ATP9A: variants seen among roughly 807,000 people sequenced by gnomAD.
ATP9A encodes the protein ATPase phospholipid transporting 9A, also known as probable phospholipid-transporting ATPase IIA.
ATP9A carries 52 observed loss-of-function variants against 144.1 expected under a neutral mutation model. The ratio of observed to expected loss-of-function variants is 0.36; its 90% CI spans 0.29 to 0.45. The LOEUF is 0.45. Among genes scored for constraint, ATP9A ranks in the 20% least tolerant of loss-of-function variants. ATP9A has a pLI of 1.00. For synonymous variants in ATP9A, 582 were observed against 557.4 expected (o/e 1.04, Z -0.62); for missense variants, 947 against 1,392.7 (o/e 0.68, Z 5.09).
At chr20:51,632,029 C>T (rs1601068992) in intron 15 of ATP9A, among the ~76,000 whole-genome samples, 2 of 152,250 alleles carry the variant, frequency 1.3e-5, no homozygotes, top group African/African-American at 4.8e-5. Context: ...AGTCACTAAA[C>T]CAAGTCAAGA....
At chr20:51,736,414 G>A (rs2077762755) in intron 1 of ATP9A, among the ~76,000 whole-genome samples, 1 of 152,156 alleles carries the variant, frequency 6.6e-6, no homozygotes, top group Non-Finnish European at 1.5e-5. Context: ...ACACTGCAGT[G>A]AGCAAGAGCT....
intron 2 of ATP9A, among the ~76,000 whole-genome samples, chr20:51,726,889 CTTTTTTTTTTTT>C (rs55719132): frequency 4.3e-4 from 40 of 93,988 alleles, no homozygotes; most frequent in Admixed American, 5.5e-4. Flanking sequence ...TGTGTTATTT[CTTTTTTTTTTTT>C]TTTTTTTTTT....
intron 4 of ATP9A, among the ~76,000 whole-genome samples, chr20:51,703,300 C>T (rs1032786352): frequency 4.6e-5 from 7 of 152,118 alleles, no homozygotes; most frequent in Admixed American, 3.9e-4. Flanking sequence ...TCCTAAGAAC[C>T]GAGGCCACAG....
chr20:51,627,821 G>C lies in ATP9A; in HGVS notation c.1762-138C>G, dbSNP rs149904893. Reference sequence around the variant, plus strand: ...AAATCAGAAAGTTGCTTTCCCCTACGGCAATCCTCCCTGGAGCAAGCTTTC... The same window carrying C: ...AAATCAGAAAGTTGCTTTCCCCTACCGCAATCCTCCCTGGAGCAAGCTTTC... On this transcript the variant is annotated intron_variant, in intron 16 of 27. Coordinates refer to ENST00000338821, the MANE Select transcript of ATP9A (RefSeq NM_006045.3). 4.4e-5 allele frequency: 32 copies of C among 729,684 alleles called. No individual in the cohort carries two copies. In the African/African-American group the frequency reaches 5.2e-4, roughly 12 times the overall value. The allele number at this position is 729,684 out of a possible 1,614,324, so 45.2% of individuals were successfully genotyped here.
chr20:51,646,533 C>G (rs1340553204), intron 14 of ATP9A, among the ~76,000 whole-genome samples: 1 of 152,140 alleles, frequency 6.6e-6, no homozygotes, highest in Admixed American at 6.5e-5. Flanking sequence ...ATGCACCAGG[C>G]AGTGGTTGCA....
At chr20:51,655,219 A>G (rs1375560210) in intron 14 of ATP9A, among the ~76,000 whole-genome samples, 1 of 152,224 alleles carries the variant, frequency 6.6e-6, no homozygotes, top group Non-Finnish European at 1.5e-5. Context: ...AACAGAAATG[A>G]TAAAATAGTA....
chr20:51,713,700 T>A (rs1459794759), intron 3 of ATP9A, among the ~76,000 whole-genome samples: 1 of 152,190 alleles, frequency 6.6e-6, no homozygotes, highest in Non-Finnish European at 1.5e-5. Flanking sequence ...ATAAGATACA[T>A]CCATTGCATT....
At chr20:51,622,951 G>A (rs1055137893) in intron 18 of ATP9A, among the ~76,000 whole-genome samples, 4 of 152,156 alleles carry the variant, frequency 2.6e-5, no homozygotes, top group African/African-American at 4.8e-5. Context: ...TGTCCACTAC[G>A]TGCCCAGCAC....
rs2077243707 is a variant in ATP9A at position 51,625,315 on chromosome 20, T to C, written c.1893A>G (p.Lys631=). The change falls in exon 18 of 28, where the codon AAA becomes AAG. Residue 631 remains lysine, a synonymous_variant. Transcript: ENST00000338821. ...CCAGGCTCTCGATCACCGTGGCCAC[T>C]TTGAGGGAGCGGTCGTGCACACTCA... ...AKLSVHDRSL[K]VATVIESLEM... is the part of the protein sequence containing the mutation. 1.9e-6 allele frequency: 3 copies of C among 1,614,032 alleles called. No homozygotes were observed. The highest frequency in any genetic ancestry group is 2.5e-6 in the Non-Finnish European group (3 of 1,180,010).
intron 14 of ATP9A, among the ~76,000 whole-genome samples, chr20:51,653,050 C>A (rs1245632288): frequency 6.7e-6 from 1 of 149,460 alleles, no homozygotes; most frequent in African/African-American, 2.5e-5. Flanking sequence ...GCAGAGCTTG[C>A]AGTGAGCCGA....
intron 15 of ATP9A, among the ~76,000 whole-genome samples, chr20:51,636,619 A>C (rs1185550824): frequency 6.6e-6 from 1 of 152,126 alleles, no homozygotes; most frequent in East Asian, 1.9e-4. Context: ...AGCCCCACTA[A>C]TTCCAGCTGT....
At chr20:51,696,207 G>C in intron 5 of ATP9A, 63 bp from the exon 6 acceptor site, 7 of 1,524,978 alleles carry the variant, frequency 4.6e-6, no homozygotes, top group Non-Finnish European at 6.3e-6. Flanking sequence ...CGGTGGGGAG[G>C]GGGGCTTCCG....
intron 15 of ATP9A, among the ~76,000 whole-genome samples, chr20:51,636,384 G>C (rs966329411): frequency 6.6e-5 from 10 of 152,142 alleles, no homozygotes; most frequent in African/African-American, 2.4e-4. Flanking sequence ...GTTGACCATG[G>C]GTAACTGAAC....
intron 1 of ATP9A, among the ~76,000 whole-genome samples, chr20:51,767,547 GA>G (rs2077910602): frequency 6.6e-6 from 1 of 152,190 alleles, no homozygotes; most frequent in Non-Finnish European, 1.5e-5. Context: ...CCCAAATGCA[GA>G]AAAACCCTTG....
At chr20:51,635,344 C>G (rs2077286330) in intron 15 of ATP9A, among the ~76,000 whole-genome samples, 1 of 152,148 alleles carries the variant, frequency 6.6e-6, no homozygotes, top group South Asian at 2.1e-4. Context: ...AATCTTAGAC[C>G]CCTTGAGCCC....
At chr20:51,604,447 G>A (rs2077155347) in intron 27 of ATP9A, among the ~76,000 whole-genome samples, 1 of 152,164 alleles carries the variant, frequency 6.6e-6, no homozygotes, top group Non-Finnish European at 1.5e-5. Context: ...TCCCAGCACT[G>A]CCACTTTGCT....
intron 1 of ATP9A, among the ~76,000 whole-genome samples, chr20:51,758,970 C>T (rs1037275876): frequency 6.6e-6 from 1 of 152,180 alleles, no homozygotes; most frequent in African/African-American, 2.4e-5. Flanking sequence ...CCGGCAGGCA[C>T]GGCACCCATG....
rs961848206 is a variant in ATP9A, at chr20:51,599,361, T to C, written c.*1850A>G. 1 of 152,178 alleles carries C rather than the reference T, an allele frequency of 6.6e-6. No homozygotes were observed. Among genetic ancestry groups the C allele is most frequent in the African/African-American group, 2.4e-5 (1 of 41,440 alleles). 9.4% of individuals were successfully genotyped at this position (152,178 alleles called of 1,614,324 possible). ...CTTAAAAACTTCCAGCACAAATTTC[T>C]CCTCCACCTTTGAAAACACAGAAAC... On this transcript the variant is annotated 3_prime_UTR_variant, in exon 28 of 28. Coordinates refer to ENST00000338821, the MANE Select transcript of ATP9A (RefSeq NM_006045.3).
At chr20:51,634,473 G>A (rs1304259101) in intron 15 of ATP9A, among the ~76,000 whole-genome samples, 1 of 152,132 alleles carries the variant, frequency 6.6e-6, no homozygotes, top group East Asian at 1.9e-4. Context: ...CAGCTGTGTG[G>A]GAGAGAAAGC....
Sources: gnomAD v4.1 joint callset for allele counts (sites outside exome capture counted in the v4.1 genomes callset) on GRCh38, gnomAD v4.1.1 for gene constraint, MANE v1.5 for transcripts, NCBI Gene and HGNC (gene_info 2026-07-23, HGNC 2026-07-21) for gene names.